Variants in SFXN1 observed in about 807,000 individuals in gnomAD.
SFXN1 encodes sideroflexin-1.
SFXN1 carries 32 observed loss-of-function variants against 39.5 expected under a neutral mutation model. The ratio of observed to expected loss-of-function variants is 0.81; its 90% CI spans 0.61 to 1.09. The LOEUF is 1.09. Ranked by LOEUF, SFXN1 falls within the 50% of genes least tolerant of loss-of-function variation. The probability of loss-of-function intolerance (pLI) is 0.00; values close to 1 mark genes in which losing one functional copy is unlikely to be tolerated. For missense variants in SFXN1, 402 were observed against 407.1 expected, an observed-to-expected ratio of 0.99 and a Z score of 0.11; for synonymous variants, 136 against 146.5, an observed-to-expected ratio of 0.93 and a Z score of 0.52.
Position 175,529,308 on chromosome 5 carries a change from A to C in SFXN1, c.*2574A>C, listed in dbSNP as rs979905618. 6.6e-6 allele frequency: 1 copy of C among 152,068 alleles called. No individual in the cohort carries two copies. Among genetic ancestry groups the C allele is most frequent in the African/African-American group, 2.4e-5 (1 of 41,282 alleles). The allele number at this position is 152,068 out of a possible 1,614,324, so 9.4% of individuals were successfully genotyped here. On this transcript the variant is annotated 3_prime_UTR_variant, in exon 11 of 11. Coordinates refer to ENST00000321442, the MANE Select transcript of SFXN1 (RefSeq NM_022754.7). ...AGCCAAGATCGCACCATTGCACTCC[A>C]GCCTGGGCAACAAGAGCGAAACTCC...
intron 2 of SFXN1, among the ~76,000 whole-genome samples, chr5:175,497,684 T>A (rs1291878039): frequency 6.6e-6 from 1 of 152,088 alleles, no homozygotes; most frequent in Admixed American, 6.6e-5. Flanking sequence ...ATCCCAGCAC[T>A]TTTTGAGGCC....
chr5:175,482,263 A>G (rs1759282748), intron 1 of SFXN1, among the ~76,000 whole-genome samples: 1 of 152,192 alleles, frequency 6.6e-6, no homozygotes, highest in African/African-American at 2.4e-5. Context: ...ACTCTTTCAA[A>G]ATACGGTAGT....
At chr5:175,517,904 A>G (rs1289967640) in intron 8 of SFXN1, among the ~76,000 whole-genome samples, 1 of 152,110 alleles carries the variant, frequency 6.6e-6, no homozygotes, top group Non-Finnish European at 1.5e-5. Flanking sequence ...CTCCTCTGCA[A>G]GGAGGTACTT....
intron 2 of SFXN1, 94 bp downstream of exon 2, chr5:175,492,361 T>TC: frequency 8.3e-7 from 1 of 1,197,922 alleles, no homozygotes; most frequent in Non-Finnish European, 1.1e-6. Flanking sequence ...TTTACAACTT[T>TC]TTTTTTTGCA....
intron 2 of SFXN1, among the ~76,000 whole-genome samples, chr5:175,501,160 C>T (rs1760065584): frequency 6.6e-6 from 1 of 150,980 alleles, no homozygotes; most frequent in South Asian, 2.1e-4. Context: ...CCTCTGCCTC[C>T]CAGGTTCAAG....
chr5:175,515,735 T>C (rs918382451), intron 7 of SFXN1, among the ~76,000 whole-genome samples: 2 of 152,178 alleles, frequency 1.3e-5, no homozygotes, highest in Admixed American at 6.5e-5. Context: ...TGGAAGACAA[T>C]TTTTTCATGG....
At chr5:175,524,821 G>A (rs996421457) in intron 10 of SFXN1, among the ~76,000 whole-genome samples, 4 of 151,970 alleles carry the variant, frequency 2.6e-5, no homozygotes, top group Non-Finnish European at 5.9e-5. Flanking sequence ...CAAATAATAT[G>A]AATGAAAAAG....
At chr5:175,500,468 A>G (rs1032201717) in intron 2 of SFXN1, among the ~76,000 whole-genome samples, 1 of 150,520 alleles carries the variant, frequency 6.6e-6, no homozygotes, top group African/African-American at 2.5e-5. Context: ...TACAGAGAAA[A>G]AAACAGAGCT....
Position 175,505,279 on chromosome 5 carries a change from T to G in SFXN1, c.165-3753T>G, listed in dbSNP as rs1276280579. Among the ~76,000 whole-genome samples the G allele has an allele frequency of 2.0e-5, 3 of 151,814 alleles. No individual in the cohort carries two copies. The East Asian group carries it at 5.9e-4, about 30-fold the overall frequency. ...ACCGGGTGCAGTGACTCATGCCTGT[T>G]ATCCCAGCACTTTGGGAGGCCGAGG... On this transcript the variant is annotated intron_variant, in intron 2 of 10. Transcript: ENST00000321442.
chr5:175,519,389 C>T (rs909230724), intron 8 of SFXN1, among the ~76,000 whole-genome samples: 3 of 152,238 alleles, frequency 2.0e-5, no homozygotes, highest in South Asian at 2.1e-4. Flanking sequence ...CCATAAAAGA[C>T]GAATATTCAT....
At chr5:175,524,443 G>A (rs1319710109) in intron 10 of SFXN1, among the ~76,000 whole-genome samples, 2 of 151,682 alleles carry the variant, frequency 1.3e-5, no homozygotes, top group Non-Finnish European at 2.9e-5. Context: ...GTATAATAGT[G>A]CATTGTATGA....
intron 2 of SFXN1, among the ~76,000 whole-genome samples, chr5:175,505,758 T>C (rs1581298386): frequency 1.3e-5 from 2 of 152,264 alleles, no homozygotes; most frequent in South Asian, 4.1e-4. Context: ...TCAAGGCTGG[T>C]ATTCACAAAC....
intron 2 of SFXN1, among the ~76,000 whole-genome samples, chr5:175,501,466 G>A (rs1036299804): frequency 1.3e-5 from 2 of 152,072 alleles, no homozygotes; most frequent in Non-Finnish European, 2.9e-5. Flanking sequence ...TTCATCAAAA[G>A]TAAAGTCTTT....
chr5:175,512,154 T>C lies in SFXN1; in HGVS notation c.554T>C (p.Val185Ala), dbSNP rs768668817. ...GGACGTTTTGTTCCCTTTGCTGCCG[T>C]AGCTGCTGCTAATTGCATTAATATT... ...LIGRFVPFAA[V>A]AAANCINIPL... The change falls in exon 6 of 11, where the codon GTA (valine) becomes GCA (alanine). Residue 185 changes from valine to alanine, a missense_variant. Val to Ala is a moderately conservative substitution (Grantham distance 64). Coordinates refer to ENST00000321442, the MANE Select transcript of SFXN1 (RefSeq NM_022754.7). 3.7e-6 allele frequency: 6 copies of C among 1,614,086 alleles called. No individual in the cohort carries two copies. The highest frequency in any genetic ancestry group is 5.1e-6 in the Non-Finnish European group (6 of 1,180,052).
intron 7 of SFXN1, among the ~76,000 whole-genome samples, chr5:175,514,036 C>T (rs139787306): frequency 1.8e-3 from 269 of 152,162 alleles, no homozygotes; most frequent in African/African-American, 6.0e-3. Context: ...GGGTTTTAGT[C>T]TGAGAGGTAA....
At chr5:175,484,480 G>A (rs926884841) in intron 1 of SFXN1, among the ~76,000 whole-genome samples, 3 of 152,130 alleles carry the variant, frequency 2.0e-5, no homozygotes, top group Non-Finnish European at 2.9e-5. Context: ...TGCCTTGCCC[G>A]GGGCCAGCAG....
intron 1 of SFXN1, among the ~76,000 whole-genome samples, chr5:175,484,457 C>T (rs963341702): frequency 2.6e-5 from 4 of 152,200 alleles, no homozygotes; most frequent in Non-Finnish European, 4.4e-5. Context: ...GGCACATGCC[C>T]TCAGCGCATC....
intron 3 of SFXN1, among the ~76,000 whole-genome samples, chr5:175,509,778 T>G (rs1760447157): frequency 6.6e-6 from 1 of 152,236 alleles, no homozygotes; most frequent in Non-Finnish European, 1.5e-5. Flanking sequence ...CCAGGACCGC[T>G]TAGCCTACAA....
At chr5:175,489,187 G>C (rs552647367) in intron 1 of SFXN1, among the ~76,000 whole-genome samples, 1 of 152,256 alleles carries the variant, frequency 6.6e-6, no homozygotes, top group East Asian at 1.9e-4. Flanking sequence ...TTAGACTATG[G>C]TCTACTTGAA....
Sources: allele counts gnomAD v4.1 joint callset (sites outside exome capture counted in the v4.1 genomes callset), GRCh38; gene constraint gnomAD v4.1.1; transcripts MANE v1.5; gene names NCBI Gene and HGNC (gene_info 2026-07-23, HGNC 2026-07-21).